MACROD2: variants seen among roughly 807,000 people sequenced by gnomAD.
MACROD2 encodes the protein ADP-ribose glycohydrolase MACROD2.
In MACROD2, 36 loss-of-function variants were observed where a neutral mutation model predicts 70.4. The ratio of observed to expected loss-of-function variants is 0.51; its 90% CI spans 0.39 to 0.68. The LOEUF is 0.68. Ranked by LOEUF, MACROD2 falls within the 30% of genes least tolerant of loss-of-function variation. The pLI is 0.00. For synonymous variants in MACROD2, 172 were observed against 178.8 expected (o/e 0.96, Z 0.30); for missense variants, 496 against 538.4 (o/e 0.92, Z 0.78).
chr20:14,746,018 C>A (rs1321833620), intron 5 of MACROD2, among the ~76,000 whole-genome samples: 1 of 152,116 alleles, frequency 6.6e-6, no homozygotes, highest in Non-Finnish European at 1.5e-5. Context: ...GTCCCCACAC[C>A]CCGCCCCAAT....
Position 15,693,227 on chromosome 20 carries a change from C to G in MACROD2, c.646-169518C>G, listed in dbSNP as rs566396448. On this transcript the variant is annotated intron_variant, in intron 8 of 17. Transcript: ENST00000684519. ...CTCTTTGATTCAAACTGACAATTTT[C>G]AGAAATACATAATGACAATTTCTGG... is the stretch of plus-strand genomic sequence containing the variant. 1.1e-4 allele frequency among the ~76,000 whole-genome samples: 16 copies of G among 152,256 alleles called. No individual in the cohort carries two copies. In the East Asian group the frequency reaches 2.1e-3, roughly 20 times the overall value.
intron 3 of MACROD2, among the ~76,000 whole-genome samples, chr20:14,298,007 G>T (rs2122475772): frequency 6.6e-6 from 1 of 151,840 alleles, no homozygotes; most frequent in East Asian, 1.9e-4. Context: ...CCCTTCCTGT[G>T]CTCTGTAAAT....
At chr20:14,908,378 C>T (rs1451442559) in intron 5 of MACROD2, among the ~76,000 whole-genome samples, 3 of 148,272 alleles carry the variant, frequency 2.0e-5, no homozygotes, top group Non-Finnish European at 4.5e-5. Flanking sequence ...TTGTCGGCCA[C>T]GCATGGTGGC....
At chr20:14,261,687 C>T (rs1313894182) in intron 3 of MACROD2, among the ~76,000 whole-genome samples, 3 of 151,776 alleles carry the variant, frequency 2.0e-5, no homozygotes, top group Non-Finnish European at 4.4e-5. Context: ...TCGTTCCTTC[C>T]CCTGTTCATT....
chr20:15,614,396 T>G (rs2049009893), intron 8 of MACROD2, among the ~76,000 whole-genome samples: 1 of 152,182 alleles, frequency 6.6e-6, no homozygotes, highest in East Asian at 1.9e-4. Flanking sequence ...AAACACATAT[T>G]TTTTTCCACA....
At chr20:14,470,228 C>T (rs2084511469) in intron 3 of MACROD2, among the ~76,000 whole-genome samples, 1 of 152,032 alleles carries the variant, frequency 6.6e-6, no homozygotes. Context: ...CCACTGCAGA[C>T]CCTGTTTGCC....
chr20:14,730,981 A>G lies in MACROD2; in HGVS notation c.418+46022A>G, dbSNP rs563641376. Among the ~76,000 whole-genome samples the G allele has an allele frequency of 2.1e-3, 272 of 128,608 alleles. 1 individual carries two copies. The highest frequency in any genetic ancestry group is 5.2e-3 in the East Asian group (22 of 4,256). The allele number at this position is 128,608 out of a possible 152,430, so 84.4% of individuals were successfully genotyped here. A position where few individuals can be genotyped will look rare whatever the true frequency, so the allele number is the denominator to read the frequency against. On this transcript the variant is annotated intron_variant, in intron 5 of 17. Transcript: ENST00000684519. ...TGTGTATTGCCCAAACAGGTTTAGC[A>G]CACACACACACACACACACACACAC...
At chr20:15,441,598 T>C (rs2046495421) in intron 7 of MACROD2, among the ~76,000 whole-genome samples, 2 of 152,026 alleles carry the variant, frequency 1.3e-5, no homozygotes, top group African/African-American at 4.8e-5. Flanking sequence ...CCTCTAATTA[T>C]ATAAAAATAA....
intron 5 of MACROD2, among the ~76,000 whole-genome samples, chr20:14,835,209 G>A (rs1161385573): frequency 6.6e-6 from 1 of 152,006 alleles, no homozygotes; most frequent in East Asian, 1.9e-4. Context: ...TTGGACACAT[G>A]GGGGAAAAGT....
chr20:14,846,572 C>G (rs897965453), intron 5 of MACROD2, among the ~76,000 whole-genome samples: 1 of 150,824 alleles, frequency 6.6e-6, no homozygotes, highest in Non-Finnish European at 1.5e-5. Context: ...GGCTGGAGTA[C>G]AGTGGCACGA....
chr20:15,597,392 A>G (rs1011651226), intron 8 of MACROD2, among the ~76,000 whole-genome samples: 12 of 152,216 alleles, frequency 7.9e-5, no homozygotes, highest in African/African-American at 1.2e-4. Context: ...TTATTGGGGC[A>G]AAGGATACAA....
At chr20:14,817,118 T>C (rs2072782920) in intron 5 of MACROD2, among the ~76,000 whole-genome samples, 2 of 152,152 alleles carry the variant, frequency 1.3e-5, no homozygotes, top group South Asian at 4.1e-4. Context: ...AGTTTTTCCT[T>C]TCATCCTCTT....
At chr20:14,754,810 T>TTTTTTG (rs2071918721) in intron 5 of MACROD2, among the ~76,000 whole-genome samples, 1 of 151,482 alleles carries the variant, frequency 6.6e-6, no homozygotes, top group Non-Finnish European at 1.5e-5. Flanking sequence ...TTTTTTTTTT[T>TTTTTTG]GAGGAATACC....
chr20:14,279,151 T>C (rs1401690429), intron 3 of MACROD2, among the ~76,000 whole-genome samples: 2 of 152,210 alleles, frequency 1.3e-5, no homozygotes, highest in Non-Finnish European at 2.9e-5. Context: ...TAAAGGCTTA[T>C]CACTGAGTAA....
intron 5 of MACROD2, among the ~76,000 whole-genome samples, chr20:14,947,507 A>G (rs533980782): frequency 6.6e-6 from 1 of 152,314 alleles, no homozygotes; most frequent in African/African-American, 2.4e-5. Context: ...TTGGTTCATA[A>G]TAAGTGGTAA....
intron 3 of MACROD2, among the ~76,000 whole-genome samples, chr20:14,447,801 G>A (rs1287893995): frequency 6.6e-6 from 1 of 151,914 alleles, no homozygotes; most frequent in African/African-American, 2.4e-5. Flanking sequence ...TTTGACTCCT[G>A]CTTGAGAGGA....
intron 8 of MACROD2, among the ~76,000 whole-genome samples, chr20:15,650,003 A>G (rs1002861718): frequency 5.3e-5 from 8 of 152,338 alleles, no homozygotes; most frequent in African/African-American, 1.7e-4. Flanking sequence ...AAAAATAATA[A>G]TTCACTATTA....
At chr20:15,110,178 A>G (rs17272800) in intron 5 of MACROD2, among the ~76,000 whole-genome samples, 44,362 of 152,030 alleles carry the variant, frequency 0.29, 7,878 homozygotes, top group Non-Finnish European at 0.41. Flanking sequence ...TGTCTTGTCA[A>G]TGCTCCTGTG....
intron 5 of MACROD2, among the ~76,000 whole-genome samples, chr20:15,027,811 T>C (rs1375915784): frequency 6.6e-6 from 1 of 152,064 alleles, no homozygotes; most frequent in Admixed American, 6.6e-5. Context: ...GCCTGAATAC[T>C]CTATCTAAAT....
Sources: allele counts gnomAD v4.1 joint callset (sites outside exome capture counted in the v4.1 genomes callset), GRCh38; gene constraint gnomAD v4.1.1; transcripts MANE v1.5; gene names NCBI Gene and HGNC (gene_info 2026-07-23, HGNC 2026-07-21).